The following LEKR1 variants were observed in gnomAD, a reference collection of about 807,000 sequenced individuals.
LEKR1 encodes the protein leucine, glutamate and lysine rich 1, also known as protein LEKR1.
In LEKR1, 59 loss-of-function variants were observed where a neutral mutation model predicts 72.4. The ratio of observed to expected loss-of-function variants is 0.82; its 90% CI spans 0.66 to 1.01. The LOEUF (loss-of-function observed/expected upper bound fraction) is 1.01, where lower values mean the gene tolerates loss of function less well. Ranked by LOEUF, LEKR1 falls within the 50% of genes least tolerant of loss-of-function variation. The pLI, the probability that LEKR1 is intolerant of heterozygous loss-of-function variation, is 0.00. For synonymous variants in LEKR1, 257 were observed against 263.2 expected (o/e 0.98, Z 0.23); for missense variants, 728 against 759.2 (o/e 0.96, Z 0.48).
intron 3 of LEKR1, among the ~76,000 whole-genome samples, chr3:156,881,998 A>G (rs2108552438): frequency 1.4e-5 from 2 of 143,114 alleles, no homozygotes; most frequent in South Asian, 2.4e-4. Context: ...ACAAAAATCA[A>G]TTCAAGATGG....
chr3:156,873,847 G>C (rs182900784), intron 3 of LEKR1, among the ~76,000 whole-genome samples: 3 of 152,060 alleles, frequency 2.0e-5, no homozygotes, highest in Admixed American at 1.3e-4. Flanking sequence ...GGCCCATAAA[G>C]TTTCTGCTGA....
At position 156,977,107 on chromosome 3, in the gene LEKR1, C is replaced by A. The variant is rs1381128373; in HGVS notation, c.746-2087C>A. Among the ~76,000 whole-genome samples, 3 of 152,134 alleles carry A rather than the reference C, an allele frequency of 2.0e-5. No individual in the cohort carries two copies. In the East Asian group the frequency reaches 5.8e-4, roughly 29 times the overall value. On this transcript the variant is annotated intron_variant, in intron 6 of 12. Transcript: ENST00000356539. ...AGAGCTGAGCATGCCTTCTTCCAGC[C>A]CATGATGAAAAATACTCACTCTCTT...
chr3:156,934,897 G>A (rs1464299938), intron 5 of LEKR1, among the ~76,000 whole-genome samples: 1 of 152,048 alleles, frequency 6.6e-6, no homozygotes, highest in African/African-American at 2.4e-5. Context: ...TTATAGGTAT[G>A]TATCTTATTT....
At chr3:156,857,810 C>A (rs149910270) in intron 3 of LEKR1, among the ~76,000 whole-genome samples, 1 of 152,186 alleles carries the variant, frequency 6.6e-6, no homozygotes, top group African/African-American at 2.4e-5. Flanking sequence ...TAGCTATTTG[C>A]GTCTGTGTTC....
intron 6 of LEKR1, among the ~76,000 whole-genome samples, chr3:156,964,954 A>T (rs1728440310): frequency 6.6e-6 from 1 of 151,834 alleles, no homozygotes. Context: ...TATTCTGTTC[A>T]TTTCATTGTA....
At chr3:157,015,783 G>C (rs1021548918) in intron 10 of LEKR1, among the ~76,000 whole-genome samples, 13 of 152,056 alleles carry the variant, frequency 8.5e-5, no homozygotes, top group Admixed American at 4.6e-4. Context: ...TAGCAGAAAA[G>C]ACATTAAAAC....
At chr3:156,927,038 G>A (rs1724784451) in intron 4 of LEKR1, among the ~76,000 whole-genome samples, 1 of 151,758 alleles carries the variant, frequency 6.6e-6, no homozygotes, top group Admixed American at 6.6e-5. Context: ...ATATAACCAT[G>A]GTATGCGGGA....
intron 6 of LEKR1, among the ~76,000 whole-genome samples, chr3:156,950,090 A>G (rs191461272): frequency 1.3e-5 from 2 of 151,540 alleles, no homozygotes; most frequent in African/African-American, 2.4e-5. Context: ...TCTTAGTAAC[A>G]TATATTTTTG....
chr3:156,963,213 A>T (rs1728275905), intron 6 of LEKR1, among the ~76,000 whole-genome samples: 1 of 152,198 alleles, frequency 6.6e-6, no homozygotes, highest in Admixed American at 6.5e-5. Flanking sequence ...AACAACTATG[A>T]TAGATGTTCT....
intron 2 of LEKR1, among the ~76,000 whole-genome samples, chr3:156,845,348 C>T (rs568208266): frequency 2.6e-5 from 4 of 151,910 alleles, no homozygotes; most frequent in Admixed American, 2.6e-4. Context: ...TGATGAAATT[C>T]AGGTTATCAG....
chr3:157,025,439 T>C (rs370556889), intron 11 of LEKR1, among the ~76,000 whole-genome samples: 78 of 152,272 alleles, frequency 5.1e-4, no homozygotes, highest in African/African-American at 1.8e-3. Context: ...TTTATAGGAC[T>C]TGAGTGTAGA....
At chr3:156,887,432 A>G (rs867923048) in intron 3 of LEKR1, among the ~76,000 whole-genome samples, 2 of 152,258 alleles carry the variant, frequency 1.3e-5, no homozygotes, top group Middle Eastern at 3.4e-3. Flanking sequence ...ACATTAGTAA[A>G]AAGTAGAATT....
At chr3:156,926,200 A>G (rs1724702316) in intron 4 of LEKR1, among the ~76,000 whole-genome samples, 1 of 152,082 alleles carries the variant, frequency 6.6e-6, no homozygotes, top group Non-Finnish European at 1.5e-5. Context: ...CATACAAATC[A>G]TAATATACTA....
chr3:156,888,780 C>T (rs942632063), intron 3 of LEKR1, among the ~76,000 whole-genome samples: 1 of 152,210 alleles, frequency 6.6e-6, no homozygotes, highest in Admixed American at 6.5e-5. Context: ...TCAGGTTCTT[C>T]TCACCAGAAT....
chr3:156,963,205 C>T (rs979000013), intron 6 of LEKR1, among the ~76,000 whole-genome samples: 15 of 152,160 alleles, frequency 9.9e-5, no homozygotes, highest in African/African-American at 3.1e-4. Flanking sequence ...TGATCAGGAA[C>T]AACTATGATA....
intron 6 of LEKR1, among the ~76,000 whole-genome samples, chr3:156,950,732 C>T (rs1727082284): frequency 6.6e-6 from 1 of 151,590 alleles, no homozygotes; most frequent in Non-Finnish European, 1.5e-5. Context: ...TGAAACTTTG[C>T]TAAAGCTGTT....
intron 10 of LEKR1, among the ~76,000 whole-genome samples, chr3:157,012,783 G>A (rs930987282): frequency 7.2e-5 from 11 of 151,900 alleles, no homozygotes; most frequent in African/African-American, 2.7e-4. Context: ...TTGTAGTATA[G>A]GCCTTTTCTT....
chr3:156,890,089 A>G (rs938519361), intron 3 of LEKR1, among the ~76,000 whole-genome samples: 9 of 152,204 alleles, frequency 5.9e-5, no homozygotes, highest in African/African-American at 2.2e-4. Flanking sequence ...ATGATAGCTC[A>G]TGTAAATTAT....
rs149821995 is a variant in LEKR1 at position 157,045,528 on chromosome 3, G to C, written c.1857G>C (p.Glu619Asp). The C allele has an allele frequency of 3.4e-5, 55 of 1,614,044 alleles. No individual in the cohort carries two copies. Among genetic ancestry groups the C allele is most frequent in the Non-Finnish European group, 4.5e-5 (53 of 1,180,042 alleles). ...CTGCAGCAGTCAGTAATCATGGAGA[G>C]AGAAGCCTTGCAAGACTGAACTCTG... ...SPAAAVSNHG[E>D]RSLARLNSEK... The change falls in exon 13 of 13, where the codon GAG becomes GAC. Residue 619 changes from glutamate (E) to aspartate (D), a missense_variant. Glu to Asp is a conservative substitution (Grantham distance 45). Coordinates refer to ENST00000356539, the MANE Select transcript of LEKR1 (RefSeq NM_001004316.3).
Sources: gnomAD v4.1 joint callset for allele counts (sites outside exome capture counted in the v4.1 genomes callset) on GRCh38, gnomAD v4.1.1 for gene constraint, MANE v1.5 for transcripts, NCBI Gene and HGNC (gene_info 2026-07-23, HGNC 2026-07-21) for gene names.